RP1: variants seen among roughly 807,000 people sequenced by gnomAD.
The protein encoded by RP1 is oxygen-regulated protein 1.
Under a neutral mutation model 14.8 loss-of-function variants are expected in RP1, and 16 were observed. The observed-to-expected ratio is 1.08, with a 90% CI of 0.73 to 1.65. The LOEUF is 1.65. Ranked by LOEUF, RP1 falls within the 40% of genes most tolerant of loss-of-function variation. The probability of loss-of-function intolerance (pLI) is 0.00; values close to 1 mark genes in which losing one functional copy is unlikely to be tolerated. For synonymous variants in RP1, 876 were observed against 883.6 expected, an observed-to-expected ratio of 0.99 and a Z score of 0.15; for missense variants, 2,631 against 2,535.0, an observed-to-expected ratio of 1.04 and a Z score of -0.81.
At chr8:54,673,953 A>G (rs975487255) in intron 8 of RP1, 2 of 1,489,678 alleles carry the variant, frequency 1.3e-6, no homozygotes, top group East Asian at 2.5e-5. Context: ...CAGAGAGTTC[A>G]TGAAGGTCTG....
At position 54,591,233 on chromosome 8, in the gene RP1, G is replaced by A. The variant is rs190598435; in HGVS notation, c.-12-29722G>A. 3.9e-3 allele frequency among the ~76,000 whole-genome samples: 593 copies of A among 152,114 alleles called. 3 individuals carry two copies. Among genetic ancestry groups the A allele is most frequent in the African/African-American group, 0.013 (538 of 41,476 alleles). On this transcript the variant is annotated intron_variant, in intron 1 of 22. Coordinates refer to the RP1 transcript ENST00000636932. ...CTTAAAAAAGTACAATCTAAACTCC[G>A]AACCGCAGTCCAGAGGGCCCTAAAA...
At chr8:54,643,931 G>A (rs142484783) in intron 3 of RP1, among the ~76,000 whole-genome samples, 10 of 152,170 alleles carry the variant, frequency 6.6e-5, no homozygotes, top group African/African-American at 9.6e-5. Context: ...TGCATTTACC[G>A]CATCCCAATA....
intron 1 of RP1, among the ~76,000 whole-genome samples, chr8:54,591,055 A>T (rs931449596): frequency 6.6e-6 from 1 of 152,092 alleles, no homozygotes; most frequent in Non-Finnish European, 1.5e-5. Context: ...ACTTATCGTT[A>T]TTTTCCTGGC....
At chr8:54,867,069 T>C (rs1812474573) in intron 28 of RP1, among the ~76,000 whole-genome samples, 1 of 152,206 alleles carries the variant, frequency 6.6e-6, no homozygotes, top group African/African-American at 2.4e-5. Flanking sequence ...AGGAGAGATG[T>C]AACGCTACAT....
At chr8:54,842,696 T>G (rs1305927658) in intron 25 of RP1, among the ~76,000 whole-genome samples, 1 of 152,212 alleles carries the variant, frequency 6.6e-6, no homozygotes, top group African/African-American at 2.4e-5. Flanking sequence ...ATGTCATTCC[T>G]TTGCTTACAA....
chr8:54,732,506 TAATAGG>T (rs1161822820), intron 17 of RP1, among the ~76,000 whole-genome samples: 1 of 152,098 alleles, frequency 6.6e-6, no homozygotes, highest in Non-Finnish European at 1.5e-5. Context: ...GCCCAGCAAA[TAATAGG>T]AACTAAAGTT....
At chr8:54,734,617 G>A (rs1585646194) in exon 18 of RP1, 7 of 1,535,708 alleles carry the variant, frequency 4.6e-6, no homozygotes, top group Non-Finnish European at 5.2e-6. Context: ...GTGCTGACAG[G>A]AAATACAGGA....
chr8:54,762,727 T>C (rs943586387), intron 22 of RP1, among the ~76,000 whole-genome samples: 2 of 152,216 alleles, frequency 1.3e-5, no homozygotes, highest in Non-Finnish European at 2.9e-5. Flanking sequence ...TTGCAGCTCC[T>C]GGAGGCCAGT....
chr8:54,716,414 A>C (rs575066828), intron 15 of RP1, among the ~76,000 whole-genome samples: 2 of 151,876 alleles, frequency 1.3e-5, no homozygotes, highest in African/African-American at 4.8e-5. Flanking sequence ...CAAAGACTTA[A>C]AAAAAAATCA....
chr8:54,628,756 T>G lies in RP1; in HGVS notation c.4874T>G (p.Ile1625Arg), dbSNP rs754370596. Residue 1625 changes from isoleucine (I) to arginine (R), a missense_variant, in exon 4 of 4, where the codon ATA becomes AGA. Transcript: ENST00000220676. ...CTTACCCAAGAGAAAGAATATAACA[T>G]AGGATTTGTTAAAAGGGCAATAGAA... ...GELTQEKEYN[I>R]GFVKRAIEKL... is the part of the protein sequence containing the mutation. 1.9e-6 allele frequency: 3 copies of G among 1,614,012 alleles called. No homozygotes were observed. The highest frequency in any genetic ancestry group is 2.5e-6 in the Non-Finnish European group (3 of 1,179,946).
At chr8:54,755,588 C>G in intron 20 of RP1, 3 of 1,534,372 alleles carry the variant, frequency 2.0e-6, no homozygotes, top group South Asian at 1.2e-5. Context: ...AATGTATTTC[C>G]TCTTATTTTC....
In RP1 at chr8:54,851,925, A is replaced by C. The variant is rs188747366; in HGVS notation, c.3836-649A>C. Among the ~76,000 whole-genome samples, 7 of 152,338 alleles carry C rather than the reference A, an allele frequency of 4.6e-5. No individual in the cohort carries two copies. The East Asian group carries it at 5.8e-4, about 13-fold the overall frequency. On this transcript the variant is annotated intron_variant, in intron 25 of 28. Coordinates refer to the RP1 transcript ENST00000637698. ...TAAGATCTTGGAATAAAAAGTACTC[A>C]TTGTATCCCAGATATTATTCTTACT... is the stretch of plus-strand genomic sequence containing the variant.
rs373491319 is a variant in RP1, at chr8:54,765,903, T to C, written c.3249-3838T>C. Among the ~76,000 whole-genome samples the C allele has an allele frequency of 6.0e-4, 91 of 152,326 alleles. 1 individual carries two copies. The highest frequency in any genetic ancestry group is 1.7e-3 in the African/African-American group (71 of 41,564). On this transcript the variant is annotated intron_variant, in intron 22 of 22. Coordinates refer to the RP1 transcript ENST00000636932. ...TTGTCTCAGGTACCAGATGATATGC[T>C]TCTTAAGGGTAGTGTCTCATAAATT...
At chr8:54,768,495 A>G (rs893509774) in intron 22 of RP1, among the ~76,000 whole-genome samples, 2 of 152,076 alleles carry the variant, frequency 1.3e-5, no homozygotes, top group Non-Finnish European at 2.9e-5. Flanking sequence ...GGCACTTTCT[A>G]AGTATGTATT....
At chr8:54,711,856 A>G (rs751361912) in intron 15 of RP1, among the ~76,000 whole-genome samples, 2 of 152,198 alleles carry the variant, frequency 1.3e-5, no homozygotes, top group South Asian at 2.1e-4. Flanking sequence ...AGAAAAGCAT[A>G]CAAATTCACT....
upstream of RP1, among the ~76,000 whole-genome samples, chr8:54,614,521 A>T (rs556301712): frequency 6.6e-6 from 1 of 152,298 alleles, no homozygotes; most frequent in Admixed American, 6.5e-5. Flanking sequence ...TGCACCTTCA[A>T]GCTTGGGAAG....
At chr8:54,774,825 C>T (rs1809994491), downstream of RP1, among the ~76,000 whole-genome samples, 1 of 152,164 alleles carries the variant, frequency 6.6e-6, no homozygotes, top group African/African-American at 2.4e-5. Context: ...CAAAAGCCTA[C>T]TCCTCAATCG....
chr8:54,590,813 A>T (rs1175871725), intron 1 of RP1, among the ~76,000 whole-genome samples: 1 of 152,168 alleles, frequency 6.6e-6, no homozygotes, highest in Non-Finnish European at 1.5e-5. Flanking sequence ...TGTCTACCTG[A>T]CACCACCATT....
chr8:54,685,480 A>T (rs959724105), intron 12 of RP1, among the ~76,000 whole-genome samples: 1 of 152,066 alleles, frequency 6.6e-6, no homozygotes, highest in Non-Finnish European at 1.5e-5. Context: ...GAATTTCTTA[A>T]TTTTGAGTTC....
Sources: allele counts gnomAD v4.1 joint callset (sites outside exome capture counted in the v4.1 genomes callset), GRCh38; gene constraint gnomAD v4.1.1; transcripts MANE v1.5; gene names NCBI Gene and HGNC (gene_info 2026-07-23, HGNC 2026-07-21).